USP10: variants seen among roughly 807,000 people sequenced by gnomAD.
USP10 encodes the protein ubiquitin carboxyl-terminal hydrolase 10.
In USP10, 22 loss-of-function variants were observed where a neutral mutation model predicts 84.5. That is an observed-to-expected ratio of 0.26 (90% confidence interval 0.19 to 0.37). The LOEUF (loss-of-function observed/expected upper bound fraction) is 0.37. Ranked by LOEUF, USP10 falls within the 10% of genes least tolerant of loss-of-function variation. The pLI is 1.00. For synonymous variants in USP10, 454 were observed against 387.6 expected (o/e 1.17, Z -2.01); for missense variants, 1,019 against 998.9 (o/e 1.02, Z -0.27).
chr16:84,778,766 C>A, intron 13 of USP10, 129 bp from the exon 14 acceptor site: 2 of 880,690 alleles, frequency 2.3e-6, no homozygotes, highest in South Asian at 1.8e-5. Flanking sequence ...GATGACATCT[C>A]TCTGTCCCAC....
chr16:84,728,384 G>A (rs1366567961), intron 1 of USP10, among the ~76,000 whole-genome samples: 3 of 151,524 alleles, frequency 2.0e-5, no homozygotes, highest in Non-Finnish European at 4.4e-5. Context: ...CTGTTGCCCA[G>A]GCTGGAGTTC....
intron 9 of USP10, among the ~76,000 whole-genome samples, 167 bp from the exon 10 acceptor site, chr16:84,763,919 G>A (rs1410215342): frequency 1.3e-5 from 2 of 150,300 alleles, no homozygotes; most frequent in African/African-American, 2.5e-5. Context: ...TGTTGCGATT[G>A]GCCGTGGATC....
chr16:84,762,347 T>TA (rs1451169185), intron 8 of USP10, among the ~76,000 whole-genome samples: 4 of 152,346 alleles, frequency 2.6e-5, no homozygotes, highest in Non-Finnish European at 5.9e-5. Context: ...CTTCGTCTTC[T>TA]ATTTTGTTTA....
At chr16:84,714,221 GGCTGGCGGGA>G (rs1305211038) in intron 1 of USP10, among the ~76,000 whole-genome samples, 1 of 152,238 alleles carries the variant, frequency 6.6e-6, no homozygotes, top group Non-Finnish European at 1.5e-5. Context: ...GGAGGTGGGT[GGCTGGCGGGA>G]GCCAGCTCGT....
At chr16:84,747,501 A>G (rs1352006795) in intron 4 of USP10, among the ~76,000 whole-genome samples, 2 of 150,596 alleles carry the variant, frequency 1.3e-5, no homozygotes, top group African/African-American at 4.9e-5. Flanking sequence ...TGAGCAAATG[A>G]TAGGCCAGAC....
chr16:84,756,891 G>T (rs1250782280), intron 4 of USP10, among the ~76,000 whole-genome samples: 1 of 152,152 alleles, frequency 6.6e-6, no homozygotes. Context: ...TTAAGCCTGT[G>T]GGGAAAAGTA....
At chr16:84,755,857 T>A (rs1277371665) in intron 4 of USP10, among the ~76,000 whole-genome samples, 1 of 151,702 alleles carries the variant, frequency 6.6e-6, no homozygotes, top group Non-Finnish European at 1.5e-5. Context: ...GATTTACTGG[T>A]GTCATCTGGG....
At chr16:84,719,639 TAG>T (rs1907528334) in intron 1 of USP10, among the ~76,000 whole-genome samples, 1 of 152,188 alleles carries the variant, frequency 6.6e-6, no homozygotes, top group Admixed American at 6.5e-5. Context: ...AAATAGAATA[TAG>T]GAAGCCGATT....
intron 2 of USP10, among the ~76,000 whole-genome samples, chr16:84,737,132 C>T (rs1159575346): frequency 6.6e-6 from 1 of 152,170 alleles, no homozygotes; most frequent in Non-Finnish European, 1.5e-5. Context: ...CTTTGTGGTT[C>T]AGGAGAGTCT....
Position 84,778,993 on chromosome 16 carries a change from G to A in USP10, c.2308G>A (p.Val770Ile), listed in dbSNP as rs1915303104. 1.9e-6 allele frequency: 3 copies of A among 1,613,928 alleles called. No individual in the cohort carries two copies. Among genetic ancestry groups the A allele is most frequent in the South Asian group, 1.1e-5 (1 of 91,086 alleles). ...NGWLRIDDQT[V>I]KVINQYQVVK... The stretch of plus-strand genomic sequence containing the variant: ...CTGGCTGCGCATCGATGACCAGACA[G>A]TCAAGGTGATCAACCAGTACCAGGT... The change falls in exon 14 of 14, where the codon GTC becomes ATC. Residue 770 changes from valine to isoleucine, a missense_variant. By Grantham distance (29) the Val-to-Ile change is conservative. Coordinates refer to ENST00000219473, the MANE Select transcript of USP10 (RefSeq NM_005153.3).
chr16:84,757,014 G>A (rs1027488652), intron 4 of USP10, among the ~76,000 whole-genome samples: 1 of 152,190 alleles, frequency 6.6e-6, no homozygotes, highest in African/African-American at 2.4e-5. Flanking sequence ...CATTTCAGCT[G>A]TTATGTGACC....
rs1477097480 is a variant in USP10, at chr16:84,756,061, C to G, written c.1193-2655C>G. The stretch of plus-strand genomic sequence containing the variant: ...TGACCTTCCCAGAGTTTCTGCAGCC[C>G]TTGGATTGGGCTAAGCATCCTTCCC... On this transcript the variant is annotated intron_variant, in intron 4 of 13. Coordinates refer to ENST00000219473, the MANE Select transcript of USP10 (RefSeq NM_005153.3). 3.3e-5 allele frequency among the ~76,000 whole-genome samples: 5 copies of G among 152,202 alleles called. No individual in the cohort carries two copies. In the East Asian group the frequency reaches 5.8e-4, roughly 18 times the overall value.
intron 1 of USP10, among the ~76,000 whole-genome samples, chr16:84,708,353 G>A (rs1905823454): frequency 2.0e-5 from 3 of 152,174 alleles, no homozygotes. Flanking sequence ...CGAAGGCTGA[G>A]GCAGGAGAAT....
chr16:84,717,446 C>A (rs1002987174), intron 1 of USP10, among the ~76,000 whole-genome samples: 2 of 152,166 alleles, frequency 1.3e-5, no homozygotes, highest in Non-Finnish European at 2.9e-5. Context: ...GACCCCAGTT[C>A]TTTGAAGGCA....
intron 4 of USP10, among the ~76,000 whole-genome samples, chr16:84,748,397 G>A (rs1385880793): frequency 6.6e-6 from 1 of 151,808 alleles, no homozygotes; most frequent in Non-Finnish European, 1.5e-5. Flanking sequence ...TTCTCCTCCT[G>A]GGTTCAGGCA....
At chr16:84,756,466 G>A (rs891552141) in intron 4 of USP10, among the ~76,000 whole-genome samples, 17 of 152,080 alleles carry the variant, frequency 1.1e-4, no homozygotes, top group Non-Finnish European at 1.6e-4. Flanking sequence ...GGTGGTGCAC[G>A]TCTGTAATCC....
intron 3 of USP10, among the ~76,000 whole-genome samples, chr16:84,742,480 C>T (rs541381378): frequency 6.6e-6 from 1 of 152,296 alleles, no homozygotes; most frequent in African/African-American, 2.4e-5. Context: ...TATTTCCCTC[C>T]CTCGCCCCCT....
chr16:84,773,982 G>T (rs907328822), intron 12 of USP10, among the ~76,000 whole-genome samples: 1 of 152,156 alleles, frequency 6.6e-6, no homozygotes, highest in African/African-American at 2.4e-5. Flanking sequence ...GGGCGCAGTG[G>T]CTCACACCTG....
intron 1 of USP10, among the ~76,000 whole-genome samples, chr16:84,727,172 TC>T (rs1908604572): frequency 6.6e-6 from 1 of 152,238 alleles, no homozygotes; most frequent in African/African-American, 2.4e-5. Context: ...CTTTTTAGTC[TC>T]CCGTGTGAAC....
Sources: gnomAD v4.1 joint callset for allele counts (sites outside exome capture counted in the v4.1 genomes callset) on GRCh38, gnomAD v4.1.1 for gene constraint, MANE v1.5 for transcripts, NCBI Gene and HGNC (gene_info 2026-07-23, HGNC 2026-07-21) for gene names.